Variants in SEC23A observed in about 807,000 individuals in gnomAD.
SEC23A encodes SEC23 homolog A, COPII component.
A neutral mutation model predicts 103.7 loss-of-function variants in SEC23A; 56 were observed. The observed-to-expected ratio is 0.54, with a 90% CI of 0.44 to 0.67. The LOEUF (loss-of-function observed/expected upper bound fraction) is 0.67. SEC23A is among the 30% of genes least tolerant of loss of function. The probability of loss-of-function intolerance (pLI) is 0.00; values close to 1 mark genes in which losing one functional copy is unlikely to be tolerated. For missense variants in SEC23A, 784 were observed against 936.4 expected (o/e 0.84, Z 2.12); for synonymous variants, 281 against 293.0 (o/e 0.96, Z 0.42).
At chr14:39,088,715 A>C (rs931169318) in intron 5 of SEC23A, 1 of 151,906 alleles carries the variant, frequency 6.6e-6, no homozygotes, top group African/African-American at 2.4e-5. Context: ...CCCGGGTGAC[A>C]GAGCGAGACT....
intron 13 of SEC23A, among the ~76,000 whole-genome samples, chr14:39,058,870 T>C (rs1319363603): frequency 6.6e-6 from 1 of 152,236 alleles, no homozygotes; most frequent in Non-Finnish European, 1.5e-5. Flanking sequence ...AAAACAACAC[T>C]GTTTGAATCA....
At chr14:39,057,521 T>C (rs1475920392) in intron 13 of SEC23A, among the ~76,000 whole-genome samples, 1 of 152,086 alleles carries the variant, frequency 6.6e-6, no homozygotes, top group African/African-American at 2.4e-5. Context: ...CGGACCACCA[T>C]GCCCAGCCAA....
At chr14:39,041,893 G>C (rs2139187948) in intron 17 of SEC23A, among the ~76,000 whole-genome samples, 1 of 149,914 alleles carries the variant, frequency 6.7e-6, no homozygotes, top group Non-Finnish European at 1.5e-5. Flanking sequence ...AAAAGTCCTG[G>C]GTAGTACTAC....
intron 14 of SEC23A, among the ~76,000 whole-genome samples, chr14:39,054,037 G>T (rs1886158961): frequency 6.6e-6 from 1 of 152,132 alleles, no homozygotes; most frequent in African/African-American, 2.4e-5. Context: ...CACTTTGGGA[G>T]AATGAGGTGG....
chr14:39,069,696 G>A (rs928678678), intron 9 of SEC23A, among the ~76,000 whole-genome samples: 6 of 152,156 alleles, frequency 3.9e-5, no homozygotes, highest in Non-Finnish European at 8.8e-5. Context: ...CTGAGCTCAA[G>A]CAGTCCACCC....
At chr14:39,067,707 G>A (rs1177447852) in intron 9 of SEC23A, among the ~76,000 whole-genome samples, 1 of 107,936 alleles carries the variant, frequency 9.3e-6, no homozygotes, top group African/African-American at 3.6e-5. Context: ...GTCTCACTCT[G>A]TTGCCTAGGC....
intron 14 of SEC23A, among the ~76,000 whole-genome samples, chr14:39,051,701 T>C (rs1219640095): frequency 6.6e-6 from 1 of 152,068 alleles, no homozygotes; most frequent in African/African-American, 2.4e-5. Context: ...TGGTGGTTCA[T>C]ACCTGTAATC....
At chr14:39,075,872 C>T in intron 8 of SEC23A, 63 bp downstream of exon 8, 1 of 1,388,826 alleles carries the variant, frequency 7.2e-7, no homozygotes, top group Non-Finnish European at 1.0e-6. Context: ...TTGTATTCTT[C>T]TTCTGCCAGC....
chr14:39,046,529 G>A lies in SEC23A; in HGVS notation c.1738-1205C>T, dbSNP rs534793520. Among the ~76,000 whole-genome samples the A allele has an allele frequency of 5.9e-5, 9 of 151,832 alleles. No homozygotes were observed. The South Asian group carries it at 1.9e-3, about 32-fold the overall frequency. On this transcript the variant is annotated intron_variant, in intron 15 of 19. Coordinates refer to ENST00000307712, the MANE Select transcript of SEC23A (RefSeq NM_006364.4). ...TTCCTTTATAAATTACCCAGTCCCG[G>A]GTATGTCTATTAGCAACATGAGAAC...
intron 7 of SEC23A, among the ~76,000 whole-genome samples, chr14:39,077,526 G>A (rs964367085): frequency 2.7e-5 from 4 of 149,908 alleles, no homozygotes; most frequent in Middle Eastern, 3.5e-3. Flanking sequence ...TGGGCAACAC[G>A]GTAAGACTCT....
At chr14:39,073,924 A>G (rs1318282841) in intron 9 of SEC23A, among the ~76,000 whole-genome samples, 3 of 152,002 alleles carry the variant, frequency 2.0e-5, no homozygotes, top group Non-Finnish European at 4.4e-5. Flanking sequence ...TTCATTTTAT[A>G]AAATACCCAG....
chr14:39,074,427 G>A lies in SEC23A; in HGVS notation c.1091C>T (p.Pro364Leu), dbSNP rs749375793. ...QTGLLEMKCCPNLTGGYMVMG... is the reference protein window; with the variant it reads ...QTGLLEMKCCLNLTGGYMVMG... ...TTTAAATACATACCCAGTAAGGTTG[G>A]GACAGCATTTCATCTCCAGGAGACC... Residue 364 changes from proline (P) to leucine (L), a missense_variant, in exon 9 of 20, where the codon CCC becomes CTC. Transcript: ENST00000307712. 6.2e-7 allele frequency: 1 copy of A among 1,605,168 alleles called. No individual in the cohort carries two copies. The highest frequency in any genetic ancestry group is 1.1e-5 in the South Asian group (1 of 90,888).
intron 14 of SEC23A, among the ~76,000 whole-genome samples, chr14:39,050,320 G>A (rs1886013356): frequency 6.6e-6 from 1 of 152,202 alleles, no homozygotes; most frequent in Non-Finnish European, 1.5e-5. Flanking sequence ...CTTTAATTCA[G>A]TAATTATTTA....
intron 7 of SEC23A, among the ~76,000 whole-genome samples, chr14:39,080,379 CAAAGA>C (rs1255819026): frequency 6.6e-6 from 1 of 152,054 alleles, no homozygotes; most frequent in Non-Finnish European, 1.5e-5. Flanking sequence ...AAAAAGCAAG[CAAAGA>C]AGAGTCAATT....
rs1210783289 is a variant in SEC23A, at chr14:39,092,616, A to G, written c.291T>C (p.Ser97=). The G allele has an allele frequency of 6.2e-7, 1 of 1,607,398 alleles. No individual in the cohort carries two copies. The highest frequency in any genetic ancestry group is 1.7e-5 in the Admixed American group (1 of 59,872). Residue 97 remains serine, a synonymous_variant, in exon 4 of 20, where the codon AGT becomes AGC. Transcript: ENST00000307712. ...GATTCAGTTCAGATATACCAGCATA[A>G]CTAGGTGGAAACTACAAATAGAAAA... ...FCYQRNQFPP[S]YAGISELNQP...
At chr14:39,095,102 G>A in intron 2 of SEC23A, 1 of 655,428 alleles carries the variant, frequency 1.5e-6, no homozygotes. Context: ...CTTGAAGCAG[G>A]GTATACTACC....
intron 5 of SEC23A, among the ~76,000 whole-genome samples, chr14:39,089,943 G>A (rs754668184): frequency 6.6e-6 from 1 of 152,166 alleles, no homozygotes; most frequent in South Asian, 2.1e-4. Flanking sequence ...GTGACAGAGC[G>A]AGACTCTTGT....
intron 13 of SEC23A, among the ~76,000 whole-genome samples, chr14:39,060,621 A>G (rs1355880014): frequency 6.6e-6 from 1 of 152,138 alleles, no homozygotes; most frequent in Non-Finnish European, 1.5e-5. Context: ...TCCTAACTAA[A>G]CTCATTCCAC....
chr14:39,098,012 T>C (rs1887946653), intron 1 of SEC23A, among the ~76,000 whole-genome samples: 1 of 150,846 alleles, frequency 6.6e-6, no homozygotes, highest in Non-Finnish European at 1.5e-5. Context: ...TCGCTTGAAC[T>C]GGGGGGGCAG....
Sources: gnomAD v4.1 joint callset for allele counts (sites outside exome capture counted in the v4.1 genomes callset) on GRCh38, gnomAD v4.1.1 for gene constraint, MANE v1.5 for transcripts, NCBI Gene and HGNC (gene_info 2026-07-23, HGNC 2026-07-21) for gene names.